The following SOX5 variants were observed in gnomAD, a reference collection of about 807,000 sequenced individuals.
The protein encoded by SOX5 is transcription factor SOX-5.
In SOX5, 9 loss-of-function variants were observed where a neutral mutation model predicts 92.0. The observed-to-expected ratio is 0.10, with a 90% confidence interval of 0.06 to 0.17. The LOEUF (loss-of-function observed/expected upper bound fraction) is 0.17. Ranked by LOEUF, SOX5 falls within the 10% of genes least tolerant of loss-of-function variation. SOX5 has a pLI of 1.00. For missense variants in SOX5, 642 were observed against 944.5 expected (o/e 0.68, Z 4.20); for synonymous variants, 344 against 336.3 (o/e 1.02, Z -0.25).
chr12:23,672,700 G>A (rs985267939), intron 6 of SOX5, among the ~76,000 whole-genome samples: 7 of 151,856 alleles, frequency 4.6e-5, no homozygotes, highest in Non-Finnish European at 8.8e-5. Flanking sequence ...TATGGTCACT[G>A]ACTCTTTCTT....
At chr12:23,767,241 CACACACAT>C (rs981283622) in intron 3 of SOX5, among the ~76,000 whole-genome samples, 15 of 141,818 alleles carry the variant, frequency 1.1e-4, no homozygotes, top group East Asian at 3.9e-4. Context: ...CACACACACA[CACACACAT>C]ATATATATTC....
chr12:23,583,029 A>G (rs1950254969), intron 9 of SOX5, among the ~76,000 whole-genome samples: 1 of 152,092 alleles, frequency 6.6e-6, no homozygotes, highest in South Asian at 2.1e-4. Flanking sequence ...ACGCAAGCAC[A>G]CACATATATT....
intron 4 of SOX5, among the ~76,000 whole-genome samples, chr12:23,972,292 C>T (rs1299833861): frequency 1.3e-5 from 2 of 152,160 alleles, no homozygotes; most frequent in East Asian, 1.9e-4. Context: ...AACTAAAATG[C>T]TAAGCCACTA....
rs531224544 is a variant in SOX5 at position 24,455,257 on chromosome 12, C to G, written c.-250-86618G>C. On this transcript the variant is annotated intron_variant, in intron 1 of 4. Transcript: ENST00000446891. The stretch of plus-strand genomic sequence containing the variant: ...TAAAAATGGGTGAACATCATTGACG[C>G]AGGAAGAGTTCCTCTATTTGAAACT... Among the ~76,000 whole-genome samples, 4 of 152,260 alleles carry G rather than the reference C, an allele frequency of 2.6e-5. No individual in the cohort carries two copies. In the East Asian group the frequency reaches 7.7e-4, roughly 29 times the overall value.
At chr12:23,847,926 TAAAC>T (rs959439643) in intron 2 of SOX5, among the ~76,000 whole-genome samples, 2 of 151,400 alleles carry the variant, frequency 1.3e-5, no homozygotes, top group African/African-American at 4.8e-5. Flanking sequence ...TACAAACACA[TAAAC>T]ACACACACAC....
intron 1 of SOX5, among the ~76,000 whole-genome samples, chr12:24,493,194 GTC>G (rs1163062995): frequency 1.3e-5 from 2 of 152,106 alleles, no homozygotes; most frequent in African/African-American, 4.8e-5. Context: ...GAGATCAAAA[GTC>G]TCTTACCAGT....
intron 6 of SOX5, among the ~76,000 whole-genome samples, chr12:23,734,089 T>A (rs573808885): frequency 5.1e-4 from 78 of 152,206 alleles, no homozygotes; most frequent in Non-Finnish European, 1.0e-3. Flanking sequence ...CACTGGAAAC[T>A]TTTTTTCTTT....
chr12:23,566,631 T>C (rs1206317855), intron 10 of SOX5, among the ~76,000 whole-genome samples: 2 of 152,226 alleles, frequency 1.3e-5, no homozygotes, highest in Non-Finnish European at 2.9e-5. Context: ...CTTTGACACT[T>C]ACTAGGTATA....
intron 3 of SOX5, among the ~76,000 whole-genome samples, chr12:24,275,101 A>C (rs959612329): frequency 1.3e-5 from 2 of 152,180 alleles, no homozygotes; most frequent in Admixed American, 1.3e-4. Context: ...TTGAACAGAG[A>C]TATATATAGT....
intron 6 of SOX5, among the ~76,000 whole-genome samples, chr12:23,712,237 A>G (rs1593538588): frequency 1.3e-5 from 2 of 152,290 alleles, no homozygotes; most frequent in Non-Finnish European, 2.9e-5. Context: ...ATCATATTAG[A>G]CCCTACCCAA....
At chr12:23,767,622 G>T (rs2094781105) in intron 3 of SOX5, among the ~76,000 whole-genome samples, 1 of 152,012 alleles carries the variant, frequency 6.6e-6, no homozygotes, top group African/African-American at 2.4e-5. Context: ...ATTTTGAATG[G>T]TTATTCTTTC....
At chr12:23,593,917 A>C (rs1245769778) in intron 9 of SOX5, among the ~76,000 whole-genome samples, 1 of 152,162 alleles carries the variant, frequency 6.6e-6, no homozygotes, top group Non-Finnish European at 1.5e-5. Flanking sequence ...CAAAAACCAC[A>C]CTAATCAGAA....
At chr12:24,267,780 T>C (rs2140301526) in intron 3 of SOX5, among the ~76,000 whole-genome samples, 1 of 152,328 alleles carries the variant, frequency 6.6e-6, no homozygotes, top group Non-Finnish European at 1.5e-5. Flanking sequence ...AAAATCCTCT[T>C]CATTACAAAT....
At chr12:24,331,027 A>T (rs375913786) in intron 2 of SOX5, among the ~76,000 whole-genome samples, 17 of 152,350 alleles carry the variant, frequency 1.1e-4, no homozygotes, top group East Asian at 3.9e-4. Context: ...GCTCCAGCAC[A>T]GGAGTTACTA....
intron 3 of SOX5, among the ~76,000 whole-genome samples, chr12:24,242,434 C>T (rs117662852): frequency 0.025 from 3,807 of 152,200 alleles, 74 homozygotes; most frequent in Middle Eastern, 0.048. Context: ...TGTGTCATGA[C>T]ATGTAAACCA....
intron 1 of SOX5, among the ~76,000 whole-genome samples, chr12:24,466,444 C>G (rs118078659): frequency 3.4e-4 from 52 of 152,226 alleles, no homozygotes; most frequent in Middle Eastern, 3.4e-3. Context: ...TTGGAACTAC[C>G]CTTCCCACTT....
At chr12:24,250,768 C>T (rs1454456295) in intron 3 of SOX5, among the ~76,000 whole-genome samples, 2 of 152,164 alleles carry the variant, frequency 1.3e-5, no homozygotes, top group Admixed American at 1.3e-4. Flanking sequence ...AAACAGACTT[C>T]CAGTTCAGAA....
chr12:23,823,599 T>C (rs1335596028), intron 3 of SOX5, among the ~76,000 whole-genome samples: 1 of 152,174 alleles, frequency 6.6e-6, no homozygotes, highest in Non-Finnish European at 1.5e-5. Flanking sequence ...TGTCTTGGGG[T>C]TGCTCTTCTA....
intron 7 of SOX5, among the ~76,000 whole-genome samples, chr12:23,664,245 T>C (rs372611667): frequency 2.4e-4 from 36 of 152,164 alleles, no homozygotes; most frequent in African/African-American, 8.2e-4. Context: ...TGATGTGTAG[T>C]AATGTTAGAA....
Sources: gnomAD v4.1 joint callset for allele counts (sites outside exome capture counted in the v4.1 genomes callset) on GRCh38, gnomAD v4.1.1 for gene constraint, MANE v1.5 for transcripts, NCBI Gene and HGNC (gene_info 2026-07-23, HGNC 2026-07-21) for gene names.